PABPC4L: variants seen among roughly 807,000 people sequenced by gnomAD.
PABPC4L encodes poly(A) binding protein cytoplasmic 4 like.
For synonymous variants in PABPC4L, 169 were observed against 164.1 expected (o/e 1.03, Z -0.23); for missense variants, 452 against 451.4 (o/e 1.00, Z -0.01).
chr4:134,188,692 G>T, the PABPC4L span, among the ~76,000 whole-genome samples: 1 of 151,958 alleles, frequency 6.6e-6, no homozygotes, highest in African/African-American at 2.4e-5. Context: ...CTCATCTATA[G>T]ATAAGGTGTC....
chr4:134,152,001 A>T, the PABPC4L span, among the ~76,000 whole-genome samples: 1 of 151,810 alleles, frequency 6.6e-6, no homozygotes, highest in African/African-American at 2.4e-5. Flanking sequence ...TTTAGATATT[A>T]TTATTTTTGA....
chr4:134,077,817 G>A, the PABPC4L span, among the ~76,000 whole-genome samples: 1 of 151,868 alleles, frequency 6.6e-6, no homozygotes. Context: ...TAATTTTTAA[G>A]TTGATTTCAT....
chr4:134,052,499 A>G, the PABPC4L span, among the ~76,000 whole-genome samples: 1 of 152,218 alleles, frequency 6.6e-6, no homozygotes, highest in East Asian at 1.9e-4. Context: ...TTATCAAAAT[A>G]TGGACTATTA....
the PABPC4L span, among the ~76,000 whole-genome samples, chr4:134,019,600 G>A: frequency 6.6e-6 from 1 of 152,076 alleles, no homozygotes; most frequent in Non-Finnish European, 1.5e-5. Context: ...TATTCTCATA[G>A]TTTTCATTAC....
the PABPC4L span, among the ~76,000 whole-genome samples, chr4:134,068,812 G>A: frequency 6.6e-6 from 1 of 151,852 alleles, no homozygotes; most frequent in East Asian, 1.9e-4. Flanking sequence ...GGGTTCAAGT[G>A]ATTCTCCTGC....
At chr4:134,073,503 C>T in the PABPC4L span, among the ~76,000 whole-genome samples, 7 of 152,122 alleles carry the variant, frequency 4.6e-5, no homozygotes, top group Admixed American at 1.3e-4. Flanking sequence ...TCCATGTGCA[C>T]AGTGCAAGCT....
the PABPC4L span, among the ~76,000 whole-genome samples, chr4:134,095,024 A>T: frequency 2.0e-5 from 3 of 151,844 alleles, no homozygotes; most frequent in African/African-American, 7.2e-5. Context: ...AGAAAAGTCC[A>T]TTAAAATTCA....
the PABPC4L span, among the ~76,000 whole-genome samples, chr4:134,151,380 A>T: frequency 6.6e-6 from 1 of 152,098 alleles, no homozygotes; most frequent in Non-Finnish European, 1.5e-5. Context: ...AGCACTTCAT[A>T]AATATTGCTT....
the PABPC4L span, among the ~76,000 whole-genome samples, chr4:133,994,340 C>A: frequency 2.6e-5 from 4 of 152,032 alleles, no homozygotes; most frequent in African/African-American, 9.7e-5. Flanking sequence ...AGGGTATGGG[C>A]GGAATAATAA....
At chr4:134,006,673 G>C in the PABPC4L span, among the ~76,000 whole-genome samples, 55 of 151,908 alleles carry the variant, frequency 3.6e-4, no homozygotes, top group African/African-American at 1.3e-3. Context: ...GAAAAAGTAT[G>C]TTCAAGGTAT....
the PABPC4L span, among the ~76,000 whole-genome samples, chr4:134,164,637 A>G: frequency 6.6e-6 from 1 of 152,168 alleles, no homozygotes; most frequent in Non-Finnish European, 1.5e-5. Context: ...ATACAAACGA[A>G]TATAAATACA....
the PABPC4L span, among the ~76,000 whole-genome samples, chr4:134,147,498 ATG>A: frequency 6.6e-6 from 1 of 152,278 alleles, no homozygotes. Context: ...CTGAAGTCAA[ATG>A]TGTAATCAAG....
the PABPC4L span, among the ~76,000 whole-genome samples, chr4:133,983,715 C>T: frequency 1.3e-5 from 2 of 151,840 alleles, no homozygotes; most frequent in South Asian, 2.1e-4. Context: ...TTTTGTATTA[C>T]ATTTTAGGAC....
the PABPC4L span, among the ~76,000 whole-genome samples, chr4:134,158,514 T>G: frequency 6.6e-6 from 1 of 152,212 alleles, no homozygotes; most frequent in African/African-American, 2.4e-5. Flanking sequence ...TTTGTTATGC[T>G]TTTTCTTCCT....
the PABPC4L span, among the ~76,000 whole-genome samples, chr4:134,060,671 G>A: frequency 6.6e-6 from 1 of 151,690 alleles, no homozygotes; most frequent in Non-Finnish European, 1.5e-5. Context: ...CTAAAGAGCT[G>A]TGCACCCTAA....
chr4:134,023,010 T>C, the PABPC4L span, among the ~76,000 whole-genome samples: 1 of 151,854 alleles, frequency 6.6e-6, no homozygotes, highest in African/African-American at 2.4e-5. Context: ...GACTTTCAGC[T>C]CCTTAGATCT....
the PABPC4L span, among the ~76,000 whole-genome samples, chr4:134,006,390 T>C: frequency 3.3e-5 from 5 of 152,048 alleles, no homozygotes; most frequent in African/African-American, 1.2e-4. Context: ...TGACCTCATA[T>C]GGTAGCTATA....
At chr4:133,972,606 G>T in the PABPC4L span, among the ~76,000 whole-genome samples, 5 of 152,142 alleles carry the variant, frequency 3.3e-5, no homozygotes, top group African/African-American at 1.2e-4. Flanking sequence ...TGAAAAAATG[G>T]TGAACCTCAA....
the PABPC4L span, among the ~76,000 whole-genome samples, chr4:133,991,371 A>C: frequency 6.6e-6 from 1 of 152,122 alleles, no homozygotes; most frequent in Non-Finnish European, 1.5e-5. Context: ...CTACGTATTG[A>C]TTGATTCCAA....
Sources: allele counts gnomAD v4.1 joint callset (sites outside exome capture counted in the v4.1 genomes callset), GRCh38; gene constraint gnomAD v4.1.1; transcripts MANE v1.5; gene names NCBI Gene and HGNC (gene_info 2026-07-23, HGNC 2026-07-21).